The following NPAS3 variants were observed in gnomAD, a reference collection of about 807,000 sequenced individuals.
NPAS3 encodes the protein neuronal PAS domain protein 3, also known as neuronal PAS domain-containing protein 3.
Under a neutral mutation model 73.1 loss-of-function variants are expected in NPAS3, and 14 were observed. The ratio of observed to expected loss-of-function variants is 0.19; its 90% CI spans 0.13 to 0.30. The LOEUF is 0.30. NPAS3 is among the 10% of genes least tolerant of loss of function. NPAS3 has a pLI of 1.00. For synonymous variants in NPAS3, 620 were observed against 541.5 expected, an observed-to-expected ratio of 1.14 and a Z score of -2.01; for missense variants, 1,096 against 1,250.0, an observed-to-expected ratio of 0.88 and a Z score of 1.86.
chr14:33,107,886 G>A (rs961504322), intron 2 of NPAS3, among the ~76,000 whole-genome samples: 3 of 152,096 alleles, frequency 2.0e-5, no homozygotes, highest in Non-Finnish European at 4.4e-5. Flanking sequence ...TAGAAACAAT[G>A]GTGATAACAT....
chr14:33,606,111 T>A (rs1359852462), intron 5 of NPAS3, among the ~76,000 whole-genome samples: 1 of 151,834 alleles, frequency 6.6e-6, no homozygotes, highest in Non-Finnish European at 1.5e-5. Flanking sequence ...TTAGGGTACA[T>A]GTGCCAATGT....
chr14:33,572,190 T>C (rs1397264094), intron 5 of NPAS3, among the ~76,000 whole-genome samples: 1 of 152,208 alleles, frequency 6.6e-6, no homozygotes, highest in African/African-American at 2.4e-5. Flanking sequence ...ATTATTCTAA[T>C]GATTGACTTG....
chr14:33,330,624 A>G (rs1410913205), intron 3 of NPAS3, among the ~76,000 whole-genome samples: 1 of 152,230 alleles, frequency 6.6e-6, no homozygotes, highest in Non-Finnish European at 1.5e-5. Flanking sequence ...GTATAAAATA[A>G]GACTAAAAAT....
At chr14:33,650,758 C>T (rs1218214122) in intron 5 of NPAS3, among the ~76,000 whole-genome samples, 1 of 151,864 alleles carries the variant, frequency 6.6e-6, no homozygotes, top group Non-Finnish European at 1.5e-5. Context: ...CTCTCTCTCT[C>T]TCTCTCATTC....
At chr14:33,296,183 T>A (rs2042290237) in intron 3 of NPAS3, among the ~76,000 whole-genome samples, 1 of 152,228 alleles carries the variant, frequency 6.6e-6, no homozygotes, top group East Asian at 1.9e-4. Flanking sequence ...ACTTTCCTTC[T>A]GCCATGTAAA....
chr14:33,209,723 T>C (rs1450409087), intron 2 of NPAS3, among the ~76,000 whole-genome samples: 1 of 152,188 alleles, frequency 6.6e-6, no homozygotes, highest in Non-Finnish European at 1.5e-5. Context: ...TCTGTCTGGC[T>C]CCTTAGAAGT....
At chr14:33,146,331 C>T (rs2139208437) in intron 2 of NPAS3, among the ~76,000 whole-genome samples, 1 of 152,284 alleles carries the variant, frequency 6.6e-6, no homozygotes, top group South Asian at 2.1e-4. Flanking sequence ...CTTGTGTAAG[C>T]TCGACCCCCT....
intron 2 of NPAS3, among the ~76,000 whole-genome samples, chr14:33,139,177 TG>T (rs769755418): frequency 6.6e-6 from 1 of 152,180 alleles, no homozygotes; most frequent in Non-Finnish European, 1.5e-5. Flanking sequence ...GGATCACAAA[TG>T]GCTTGTCAAG....
chr14:33,365,924 G>T (rs1189120301), intron 3 of NPAS3, among the ~76,000 whole-genome samples: 1 of 152,178 alleles, frequency 6.6e-6, no homozygotes, highest in Non-Finnish European at 1.5e-5. Flanking sequence ...AGTGTTTCTA[G>T]AAGTAAGAAA....
chr14:33,056,103 GT>G, intron 2 of NPAS3, 109 bp downstream of exon 2: 3 of 435,930 alleles, frequency 6.9e-6, no homozygotes, highest in Non-Finnish European at 1.1e-5. Context: ...ATCTAATTTA[GT>G]GGGGGAGAAA....
chr14:33,686,969 C>CA lies in NPAS3; in HGVS notation c.733+10591dup, dbSNP rs529902572. On this transcript the variant is annotated intron_variant, in intron 6 of 11. Coordinates refer to ENST00000356141, the Ensembl canonical transcript of NPAS3. ...ACAGAGAAGACCAGAAACAAACAAA[C>CA]AAAAAAAGTCATTTAAGAGATTATT... Among the ~76,000 whole-genome samples the CA allele has an allele frequency of 1.4e-3, 220 of 151,948 alleles. 1 individual carries two copies. The highest frequency in any genetic ancestry group is 2.6e-3 in the Non-Finnish European group (174 of 67,954).
At chr14:33,484,459 T>A (rs1309895347) in intron 4 of NPAS3, among the ~76,000 whole-genome samples, 1 of 152,186 alleles carries the variant, frequency 6.6e-6, no homozygotes, top group Non-Finnish European at 1.5e-5. Context: ...GCTTGACCTG[T>A]TGACAGGAAG....
intron 5 of NPAS3, among the ~76,000 whole-genome samples, chr14:33,591,154 C>T (rs1026811069): frequency 1.3e-5 from 2 of 152,126 alleles, no homozygotes; most frequent in Non-Finnish European, 2.9e-5. Context: ...TCCTTCACTT[C>T]TCCCTTTGTT....
intron 4 of NPAS3, among the ~76,000 whole-genome samples, chr14:33,408,636 G>T (rs921861953): frequency 1.3e-5 from 2 of 152,078 alleles, no homozygotes; most frequent in East Asian, 1.9e-4. Flanking sequence ...AATGTAACTC[G>T]TGTTCTTATT....
At chr14:33,576,740 G>A (rs775163875) in intron 5 of NPAS3, among the ~76,000 whole-genome samples, 13 of 152,112 alleles carry the variant, frequency 8.5e-5, no homozygotes, top group East Asian at 1.9e-4. Flanking sequence ...CTTCTGATAC[G>A]AATCGAGAAT....
intron 3 of NPAS3, among the ~76,000 whole-genome samples, chr14:33,347,631 G>C (rs546990076): frequency 3.9e-5 from 6 of 152,254 alleles, no homozygotes; most frequent in African/African-American, 1.2e-4. Context: ...GTATCCATGG[G>C]GAATTGGTTC....
chr14:33,173,027 T>C (rs191674400), intron 2 of NPAS3, among the ~76,000 whole-genome samples: 1 of 152,322 alleles, frequency 6.6e-6, no homozygotes, highest in East Asian at 1.9e-4. Flanking sequence ...GAATTGCTTG[T>C]TTTTGATTTT....
In NPAS3 at chr14:33,590,213, A is replaced by G. The variant is rs79392302; in HGVS notation, c.558+30003A>G. 0.015 allele frequency among the ~76,000 whole-genome samples: 2,297 copies of G among 152,312 alleles called. 110 individuals are homozygous for G. In the East Asian group the frequency reaches 0.19, roughly 13 times the overall value. ...AGATGGTCACCAAATGAAGTTTTAG[A>G]GTCTTGGACCACAGGAAGTTTTCTA... is the stretch of plus-strand genomic sequence containing the variant. On this transcript the variant is annotated intron_variant, in intron 5 of 11. Coordinates refer to ENST00000356141, the Ensembl canonical transcript of NPAS3.
intron 3 of NPAS3, among the ~76,000 whole-genome samples, chr14:33,219,817 T>C (rs2139701787): frequency 6.6e-6 from 1 of 152,216 alleles, no homozygotes. Flanking sequence ...TCCCCCAAAA[T>C]TAGATAGCAT....
Sources: allele counts gnomAD v4.1 joint callset (sites outside exome capture counted in the v4.1 genomes callset), GRCh38; gene constraint gnomAD v4.1.1; transcripts MANE v1.5; gene names NCBI Gene and HGNC (gene_info 2026-07-23, HGNC 2026-07-21).